Variants in KCNQ5 observed in about 807,000 individuals in gnomAD.
KCNQ5 encodes potassium voltage-gated channel subfamily Q member 5.
In KCNQ5, 30 loss-of-function variants were observed where a neutral mutation model predicts 98.2. That is an observed-to-expected ratio of 0.31 (90% CI 0.23 to 0.41). The LOEUF (loss-of-function observed/expected upper bound fraction) is 0.41, where lower values mean the gene tolerates loss of function less well. Ranked by LOEUF, KCNQ5 falls within the 10% of genes least tolerant of loss-of-function variation. KCNQ5 has a pLI of 1.00. For missense variants in KCNQ5, 835 were observed against 1,182.5 expected (o/e 0.71, Z 4.31); for synonymous variants, 458 against 449.4 (o/e 1.02, Z -0.24).
At chr6:72,653,214 T>G (rs1472039696) in intron 1 of KCNQ5, among the ~76,000 whole-genome samples, 1 of 151,936 alleles carries the variant, frequency 6.6e-6, no homozygotes, top group Non-Finnish European at 1.5e-5. Flanking sequence ...ATAATCAACC[T>G]GCAGGTTGTC....
At chr6:72,826,970 T>A (rs1466607733) in intron 1 of KCNQ5, among the ~76,000 whole-genome samples, 1 of 152,174 alleles carries the variant, frequency 6.6e-6, no homozygotes, top group East Asian at 1.9e-4. Flanking sequence ...GGTGAGAACA[T>A]GTGGTGTTTA....
At chr6:72,944,672 C>A (rs1766455845) in intron 1 of KCNQ5, among the ~76,000 whole-genome samples, 1 of 152,200 alleles carries the variant, frequency 6.6e-6, no homozygotes, top group Non-Finnish European at 1.5e-5. Flanking sequence ...GTGTCACTGG[C>A]CTTTCCTCAT....
intron 1 of KCNQ5, among the ~76,000 whole-genome samples, chr6:72,706,285 G>T (rs1308967120): frequency 6.6e-6 from 1 of 151,662 alleles, no homozygotes; most frequent in Non-Finnish European, 1.5e-5. Context: ...GAAGTGGAAA[G>T]GATGTTTTCT....
chr6:72,644,900 A>G (rs1765507941), intron 1 of KCNQ5, among the ~76,000 whole-genome samples: 1 of 152,152 alleles, frequency 6.6e-6, no homozygotes, highest in African/African-American at 2.4e-5. Context: ...TATTCTCTGA[A>G]TCAGGCTCCT....
chr6:72,984,259 C>T (rs1442692433), intron 1 of KCNQ5, among the ~76,000 whole-genome samples: 5 of 152,188 alleles, frequency 3.3e-5, no homozygotes, highest in South Asian at 2.1e-4. Flanking sequence ...CAGACAGGGA[C>T]GTTTAAATCT....
intron 1 of KCNQ5, among the ~76,000 whole-genome samples, chr6:72,941,848 C>T (rs1766330159): frequency 6.6e-6 from 1 of 151,812 alleles, no homozygotes; most frequent in African/African-American, 2.4e-5. Flanking sequence ...TTGTTCTGAC[C>T]CTCTTATAGT....
chr6:73,126,374 C>T (rs1056545154), intron 9 of KCNQ5, among the ~76,000 whole-genome samples: 10 of 152,156 alleles, frequency 6.6e-5, no homozygotes, highest in African/African-American at 2.4e-4. Flanking sequence ...GGAGGGGTCA[C>T]CTTGGGCTGG....
At chr6:72,905,904 G>C (rs1243608039) in intron 1 of KCNQ5, among the ~76,000 whole-genome samples, 1 of 152,154 alleles carries the variant, frequency 6.6e-6, no homozygotes, top group Non-Finnish European at 1.5e-5. Context: ...TTTCCAGAGA[G>C]CATCATCTGT....
In KCNQ5 at chr6:72,967,598, C is replaced by T. The variant is rs1392414726; in HGVS notation, c.399-36310C>T. The T allele has an allele frequency of 2.0e-5, 3 of 153,342 alleles. No individual in the cohort carries two copies. The East Asian group carries it at 5.8e-4, about 30-fold the overall frequency. 9.5% of individuals were successfully genotyped at this position (153,342 alleles called of 1,614,324 possible). A position where few individuals can be genotyped will look rare whatever the true frequency, so the allele number is the denominator to read the frequency against. On this transcript the variant is annotated intron_variant, in intron 1 of 13. Transcript: ENST00000370398. ...AAGGGTCTCAAAAAGGAATGAAGAA[C>T]AAAGTCCCTGCTCTCAAGAATGTAG...
At chr6:72,671,745 C>T (rs1767117738) in intron 1 of KCNQ5, among the ~76,000 whole-genome samples, 1 of 152,068 alleles carries the variant, frequency 6.6e-6, no homozygotes, top group South Asian at 2.1e-4. Flanking sequence ...AGATTCTTGG[C>T]AGGAAATATT....
chr6:73,150,828 A>ATG (rs1229605427), intron 10 of KCNQ5, among the ~76,000 whole-genome samples: 29 of 35,224 alleles, frequency 8.2e-4, no homozygotes, highest in African/African-American at 4.1e-3. Flanking sequence ...GTGTATATAT[A>ATG]TATATGTGTG....
chr6:72,829,394 T>C (rs1337390438), intron 1 of KCNQ5, among the ~76,000 whole-genome samples: 2 of 152,184 alleles, frequency 1.3e-5, no homozygotes, highest in Non-Finnish European at 2.9e-5. Context: ...TTTTTGGTTC[T>C]GCTTACAAAT....
chr6:73,165,898 T>C lies in KCNQ5; in HGVS notation c.1469-3848T>C, dbSNP rs182905473. On this transcript the variant is annotated intron_variant, in intron 10 of 13. Transcript: ENST00000370398. ...AGGCGGAGGTTGCAGTGAGCCGAGA[T>C]TGTGCTACTACACTTGAGCCTGGGT... Among the ~76,000 whole-genome samples, 5 of 151,572 alleles carry C rather than the reference T, an allele frequency of 3.3e-5. No homozygotes were observed. In the East Asian group the frequency reaches 9.8e-4, roughly 30 times the overall value.
chr6:73,050,672 A>G (rs1772193214), intron 3 of KCNQ5, among the ~76,000 whole-genome samples: 1 of 152,216 alleles, frequency 6.6e-6, no homozygotes, highest in Non-Finnish European at 1.5e-5. Context: ...CAATCAAAAT[A>G]CAGAACTTTT....
At chr6:72,753,239 C>T (rs1171494369) in intron 1 of KCNQ5, among the ~76,000 whole-genome samples, 1 of 151,968 alleles carries the variant, frequency 6.6e-6, no homozygotes, top group East Asian at 1.9e-4. Context: ...TTTCACTTGG[C>T]ATAATGCTTT....
At chr6:73,043,473 C>T (rs1192597777) in intron 3 of KCNQ5, among the ~76,000 whole-genome samples, 2 of 152,176 alleles carry the variant, frequency 1.3e-5, no homozygotes, top group African/African-American at 4.8e-5. Flanking sequence ...CATAAAGCCC[C>T]AAGGCATATT....
At chr6:73,045,601 A>T (rs2150360449) in intron 3 of KCNQ5, among the ~76,000 whole-genome samples, 1 of 152,332 alleles carries the variant, frequency 6.6e-6, no homozygotes, top group East Asian at 1.9e-4. Flanking sequence ...CAAAACACTC[A>T]CCCAATAACA....
intron 1 of KCNQ5, among the ~76,000 whole-genome samples, chr6:72,845,420 A>G (rs1040718296): frequency 6.6e-6 from 1 of 152,240 alleles, no homozygotes; most frequent in Non-Finnish European, 1.5e-5. Context: ...AAAGCTATTT[A>G]ACCTCCATAG....
At chr6:72,732,787 G>T (rs1200379953) in intron 1 of KCNQ5, among the ~76,000 whole-genome samples, 1 of 152,170 alleles carries the variant, frequency 6.6e-6, no homozygotes, top group Non-Finnish European at 1.5e-5. Context: ...AGGCACATTA[G>T]ACAAGAAATG....
Sources: gnomAD v4.1 joint callset for allele counts (sites outside exome capture counted in the v4.1 genomes callset) on GRCh38, gnomAD v4.1.1 for gene constraint, MANE v1.5 for transcripts, NCBI Gene and HGNC (gene_info 2026-07-23, HGNC 2026-07-21) for gene names.